Variants in OXR1 observed in about 807,000 individuals in gnomAD.
OXR1 encodes the protein oxidation resistance protein 1.
Under a neutral mutation model 104.6 loss-of-function variants are expected in OXR1, and 41 were observed. The ratio of observed to expected loss-of-function variants is 0.39; its 90% confidence interval spans 0.31 to 0.51. The LOEUF is 0.51. OXR1 is among the 20% of genes least tolerant of loss of function. The pLI is 0.77. For missense variants in OXR1, 955 were observed against 1,031.9 expected (o/e 0.93, Z 1.02); for synonymous variants, 348 against 348.4 (o/e 1.00, Z 0.01).
chr8:106,272,061 TG>T (rs1392162408), intron 1 of OXR1: 8 of 152,208 alleles, frequency 5.3e-5, no homozygotes, highest in South Asian at 2.1e-4. Context: ...GGATCTCTGG[TG>T]GGGGCCTCCC....
chr8:106,565,356 A>G lies in OXR1; in HGVS notation c.220+46217A>G, dbSNP rs185077153. On this transcript the variant is annotated intron_variant, in intron 3 of 16. Transcript: ENST00000517566. ...TAATAGACAAACAGATGGCTAAATC[A>G]TGAGCAAACTCCCATTCACAATTGC... Among the ~76,000 whole-genome samples the G allele has an allele frequency of 2.1e-3, 323 of 152,350 alleles. 1 individual carries two copies. The highest frequency in any genetic ancestry group is 0.011 in the South Asian group (51 of 4,832).
At chr8:106,539,106 T>C (rs1181548928) in intron 3 of OXR1, among the ~76,000 whole-genome samples, 2 of 152,166 alleles carry the variant, frequency 1.3e-5, no homozygotes, top group Admixed American at 6.5e-5. Context: ...CACTTATTTA[T>C]CAGATGAGAT....
chr8:106,612,086 A>G (rs960295149), intron 3 of OXR1, among the ~76,000 whole-genome samples: 1 of 126,280 alleles, frequency 7.9e-6, no homozygotes, highest in African/African-American at 3.5e-5. Flanking sequence ...TCATTTCATA[A>G]TTTTCTCCTT....
At chr8:106,676,177 G>A (rs191729160) in intron 3 of OXR1, among the ~76,000 whole-genome samples, 9 of 151,864 alleles carry the variant, frequency 5.9e-5, no homozygotes, top group East Asian at 3.9e-4. Context: ...ATTTTTCTGC[G>A]TACCTTTATT....
chr8:106,609,803 A>G (rs1820677050), intron 3 of OXR1, among the ~76,000 whole-genome samples: 1 of 151,516 alleles, frequency 6.6e-6, no homozygotes, highest in Admixed American at 6.6e-5. Flanking sequence ...TTTACACTCA[A>G]ATGGTTCAAT....
At position 106,451,804 on chromosome 8, in the gene OXR1, T is replaced by G. The variant is rs528409558; in HGVS notation, c.24-67139T>G. On this transcript the variant is annotated intron_variant, in intron 2 of 16. Transcript: ENST00000517566. Reference sequence around the variant, plus strand: ...TTTATTTTTTGCATGTCCCTTGACTTTTTTTAAAATAAGAATATTCAAAAA... The same window carrying G: ...TTTATTTTTTGCATGTCCCTTGACTGTTTTTAAAATAAGAATATTCAAAAA... Among the ~76,000 whole-genome samples the G allele has an allele frequency of 5.8e-4, 89 of 152,352 alleles. No individual in the cohort carries two copies. The South Asian group carries it at 0.012, about 20-fold the overall frequency.
Position 106,697,816 on chromosome 8 carries a change from T to TGTACTGTA in OXR1, c.675+4939_675+4940insGTACTGTA. ...CTGCCCCTTGGGGTACAGTGCATTATTGAGCTCACATAACACCGTGCCATC... is the reference window on the plus strand; with the variant it reads ...CTGCCCCTTGGGGTACAGTGCATTATGTACTGTATGAGCTCACATAACACCGTGCCATC... On this transcript the variant is annotated intron_variant, in intron 7 of 16. Transcript: ENST00000517566. 8 of 1,612,148 alleles carry TGTACTGTA rather than the reference T, an allele frequency of 5.0e-6. No homozygotes were observed. In the South Asian group the frequency reaches 8.8e-5, roughly 18 times the overall value.
chr8:106,649,759 C>T (rs531379071), intron 3 of OXR1, among the ~76,000 whole-genome samples: 3 of 151,946 alleles, frequency 2.0e-5, no homozygotes, highest in South Asian at 2.1e-4. Context: ...TGCAGTGGCG[C>T]GGTCTCGGCT....
chr8:106,707,696 T>G (rs190960412), intron 9 of OXR1: 2 of 158,280 alleles, frequency 1.3e-5, no homozygotes, highest in Non-Finnish European at 2.7e-5. Context: ...CTGTCAGTTT[T>G]CTGGTACTGT....
At chr8:106,672,062 G>T (rs986985357) in intron 3 of OXR1, among the ~76,000 whole-genome samples, 15 of 150,404 alleles carry the variant, frequency 1.0e-4, no homozygotes, top group African/African-American at 3.4e-4. Flanking sequence ...ACCACTAAAA[G>T]AATTGTTTAA....
chr8:106,327,376 G>T (rs1417036587), intron 1 of OXR1, among the ~76,000 whole-genome samples: 1 of 152,028 alleles, frequency 6.6e-6, no homozygotes, highest in Non-Finnish European at 1.5e-5. Flanking sequence ...TACTATAAGG[G>T]TTTTCAACTT....
At position 106,740,361 on chromosome 8, in the gene OXR1, C is replaced by T. The variant is rs910965036; in HGVS notation, c.2182C>T (p.Pro728Ser). Residue 728 changes from proline (P) to serine (S), a missense_variant, in exon 14 of 17, where the codon CCA becomes TCA. Transcript: ENST00000517566. The part of the protein sequence containing the change: ...QIEKLTKHLP[P>S]RTIGYPWTLV... ...TCTAAAGCTTACCAAGCATCTTCCA[C>T]CAAGAACAATTGGCTATCCATGGAC... is the stretch of plus-strand genomic sequence containing the variant. 2.5e-6 allele frequency: 4 copies of T among 1,611,130 alleles called. No homozygotes were observed. The African/African-American group carries it at 4.0e-5, about 16-fold the overall frequency.
At chr8:106,469,984 A>G (rs938111717) in intron 2 of OXR1, among the ~76,000 whole-genome samples, 4 of 151,766 alleles carry the variant, frequency 2.6e-5, no homozygotes, top group Non-Finnish European at 5.9e-5. Flanking sequence ...AGGCAGGGCA[A>G]GTAGGTAGAA....
intron 6 of OXR1, among the ~76,000 whole-genome samples, chr8:106,689,296 C>T (rs1829049960): frequency 6.6e-6 from 1 of 152,032 alleles, no homozygotes; most frequent in Non-Finnish European, 1.5e-5. Context: ...GACAAGTGGC[C>T]ATCTACTTCC....
intron 3 of OXR1, among the ~76,000 whole-genome samples, chr8:106,536,858 AC>A (rs1586775985): frequency 6.6e-6 from 1 of 152,176 alleles, no homozygotes. Flanking sequence ...CTCACAAAGG[AC>A]CCTGACACCA....
At position 106,682,434 on chromosome 8, in the gene OXR1, AT is replaced by A. The variant is rs144245080; in HGVS notation, c.304-750del. ...CAGGCGCCGCCACCACACTCTGCTC[AT>A]TTTTTTTTTTTTTTAATAGAGACGG... On this transcript the variant is annotated intron_variant, in intron 4 of 16. Transcript: ENST00000517566. 1,159 of 136,140 alleles carry A rather than the reference AT, an allele frequency of 8.5e-3. 5 individuals carry two copies. In the Middle Eastern group the frequency reaches 0.11, roughly 12 times the overall value. 8.4% of individuals were successfully genotyped at this position (136,140 alleles called of 1,614,324 possible).
At chr8:106,384,868 C>G (rs1421209791) in intron 2 of OXR1, among the ~76,000 whole-genome samples, 2 of 151,820 alleles carry the variant, frequency 1.3e-5, no homozygotes, top group East Asian at 3.9e-4. Flanking sequence ...GCATGCACCA[C>G]CAAGTCCAGC....
chr8:106,461,051 A>G (rs1387055622), intron 2 of OXR1, among the ~76,000 whole-genome samples: 1 of 152,162 alleles, frequency 6.6e-6, no homozygotes, highest in African/African-American at 2.4e-5. Flanking sequence ...GGGGGACATA[A>G]TAGCAAAGCA....
At position 106,706,566 on chromosome 8, in the gene OXR1, G is replaced by A; in HGVS notation, c.1045G>A (p.Glu349Lys). Residue 349 changes from glutamate (E) to lysine (K), a missense_variant, in exon 9 of 17, where the codon GAG becomes AAG. Physicochemically the swap from Glu to Lys is moderately conservative, Grantham distance 56 (BLOSUM62 1). Transcript: ENST00000517566. ...FTESELSPIR[E>K]ELVSSDELRQ... Reference sequence around the variant, plus strand: ...AGAATCAGAACTTTCCCCTATACGAGAGGAGCTTGTATCTTCAGATGAACT... The same window carrying A: ...AGAATCAGAACTTTCCCCTATACGAAAGGAGCTTGTATCTTCAGATGAACT... The A allele has an allele frequency of 3.7e-6, 6 of 1,611,814 alleles. No individual in the cohort carries two copies. The highest frequency in any genetic ancestry group is 5.1e-6 in the Non-Finnish European group (6 of 1,179,466).
Sources: gnomAD v4.1 joint callset for allele counts (sites outside exome capture counted in the v4.1 genomes callset) on GRCh38, gnomAD v4.1.1 for gene constraint, MANE v1.5 for transcripts, NCBI Gene and HGNC (gene_info 2026-07-23, HGNC 2026-07-21) for gene names.